CEACAM21: variants seen among roughly 807,000 people sequenced by gnomAD.
CEACAM21 encodes CEA cell adhesion molecule 21.
CEACAM21 carries 38 observed loss-of-function variants against 33.2 expected under a neutral mutation model. The observed-to-expected ratio is 1.14, with a 90% CI of 0.88 to 1.50. The LOEUF (loss-of-function observed/expected upper bound fraction) is 1.50. Ranked by LOEUF, CEACAM21 falls within the 40% of genes most tolerant of loss-of-function variation. The probability of loss-of-function intolerance (pLI) is 0.00; values close to 1 mark genes in which losing one functional copy is unlikely to be tolerated. For missense variants in CEACAM21, 385 were observed against 364.6 expected (o/e 1.06, Z -0.46); for synonymous variants, 156 against 143.0 (o/e 1.09, Z -0.65).
In CEACAM21 at chr19:41,576,201, A is replaced by T; in HGVS notation, c.-74A>T. The T allele has an allele frequency of 6.4e-7, 1 of 1,555,248 alleles. No individual in the cohort carries two copies. The highest frequency in any genetic ancestry group is 8.9e-7 in the Non-Finnish European group (1 of 1,128,492). On this transcript the variant is annotated 5_prime_UTR_variant, in exon 1 of 7. Transcript: ENST00000401445. Reference sequence around the variant, plus strand: ...GAAGGACAGCAGAGACAACAGTCACAGTAACCCTGTCTAGAGCGTTCCTGG... The same window carrying T: ...GAAGGACAGCAGAGACAACAGTCACTGTAACCCTGTCTAGAGCGTTCCTGG...
At chr19:41,565,858 C>T (rs1045908318) in intron 2 of CEACAM21, among the ~76,000 whole-genome samples, 1 of 150,144 alleles carries the variant, frequency 6.7e-6, no homozygotes, top group East Asian at 1.9e-4. Context: ...CAAGTGTAGG[C>T]AAGTTGTAGG....
In CEACAM21 at chr19:41,584,505, G is replaced by A. The variant is rs1394598092; in HGVS notation, c.797+62G>A. The stretch of plus-strand genomic sequence containing the variant: ...ACGCTGACCCCAGGCGAGAAGGAAG[G>A]AGACCCTGTCTTGTATTCAGTGCCA... On this transcript the variant is annotated intron_variant, in intron 4 of 6. Transcript: ENST00000401445. 9.0e-6 allele frequency: 13 copies of A among 1,443,530 alleles called. No homozygotes were observed. In the African/African-American group the frequency reaches 1.7e-4, roughly 19 times the overall value. 89.4% of individuals were successfully genotyped at this position (1,443,530 alleles called of 1,614,324 possible).
In CEACAM21 at chr19:41,577,413, C is replaced by T. The variant is rs1004080400; in HGVS notation, c.278C>T (p.Pro93Leu). ...VIDTHVRTPGPAYSGRETISP... is the reference protein window; with the variant it reads ...VIDTHVRTPGLAYSGRETISP... ...GACACTCACGTTAGGACTCCAGGGCCTGCATACAGCGGTCGAGAGACAATA... is the reference window on the plus strand; with the variant it reads ...GACACTCACGTTAGGACTCCAGGGCTTGCATACAGCGGTCGAGAGACAATA... The change falls in exon 2 of 7, where the codon CCT (proline) becomes CTT (leucine). Residue 93 changes from proline (P) to leucine (L), a missense_variant. By Grantham distance (98) the Pro-to-Leu change is moderately conservative. Transcript: ENST00000401445. 11 of 1,614,020 alleles carry T rather than the reference C, an allele frequency of 6.8e-6. No homozygotes were observed. Among genetic ancestry groups the T allele is most frequent in the Non-Finnish European group, 9.3e-6 (11 of 1,180,032 alleles).
At position 41,582,786 on chromosome 19, in the gene CEACAM21, A is replaced by AT. The variant is rs1177362871; in HGVS notation, c.701-1555dup. Reference sequence around the variant, plus strand: ...GAGCCCTGGGCCTGGCCCAGGAAACATTTTTTCCTCCTAGGCCTCCAGTCC... The same window carrying AT: ...GAGCCCTGGGCCTGGCCCAGGAAACATTTTTTTCCTCCTAGGCCTCCAGTCC... On this transcript the variant is annotated intron_variant, in intron 3 of 6. Coordinates refer to ENST00000401445, the MANE Select transcript of CEACAM21 (RefSeq NM_001098506.4). Among the ~76,000 whole-genome samples, 4 of 152,032 alleles carry AT rather than the reference A, an allele frequency of 2.6e-5. No homozygotes were observed. In the East Asian group the frequency reaches 7.8e-4, roughly 30 times the overall value.
intron 2 of CEACAM21, among the ~76,000 whole-genome samples, chr19:41,566,531 A>G (rs1019723659): frequency 6.6e-6 from 1 of 152,150 alleles, no homozygotes; most frequent in Non-Finnish European, 1.5e-5. Context: ...GTATGATAAC[A>G]TATTTTGCTT....
At chr19:41,579,928 A>C (rs1182230323) in intron 3 of CEACAM21, among the ~76,000 whole-genome samples, 2 of 152,196 alleles carry the variant, frequency 1.3e-5, no homozygotes, top group Non-Finnish European at 2.9e-5. Context: ...GATTAATGCG[A>C]TTAAAGCCCT....
At chr19:41,577,151 A>G in intron 1 of CEACAM21, 49 bp from the exon 2 acceptor site, 1 of 1,611,134 alleles carries the variant, frequency 6.2e-7, no homozygotes, top group Non-Finnish European at 8.5e-7. Flanking sequence ...CCGTCTTTCC[A>G]TGCCAATGCA....
At chr19:41,577,699 C>G (rs1003473322) in intron 2 of CEACAM21, 140 bp downstream of exon 2, 2 of 1,211,292 alleles carry the variant, frequency 1.7e-6, no homozygotes, top group Non-Finnish European at 2.3e-6. Flanking sequence ...GCAGGACACA[C>G]CCAGGGGAGA....
intron 5 of CEACAM21, 142 bp from the exon 6 acceptor site, chr19:41,585,698 C>T: frequency 9.7e-7 from 1 of 1,036,134 alleles, no homozygotes; most frequent in Non-Finnish European, 1.5e-6. Context: ...TCCTCAACCT[C>T]ACTTGCTTAC....
chr19:41,584,318 A>G, intron 3 of CEACAM21, 29 bp from the exon 4 acceptor site: 298 of 1,436,858 alleles, frequency 2.1e-4, no homozygotes, highest in Non-Finnish European at 2.8e-4. Context: ...ACAGATTTGG[A>G]CCTCATCCCC....
At chr19:41,558,851 A>G (rs541629418) in intron 1 of CEACAM21, among the ~76,000 whole-genome samples, 1 of 152,332 alleles carries the variant, frequency 6.6e-6, no homozygotes, top group East Asian at 1.9e-4. Context: ...TCTCTGTTTA[A>G]AAAGTAAAAG....
At chr19:41,564,922 G>C (rs2042151256) in exon 2 of CEACAM21, 1 of 152,302 alleles carries the variant, frequency 6.6e-6, no homozygotes, top group African/African-American at 2.4e-5. Context: ...GCGCTCCGTC[G>C]GAATGACACA....
intron 1 of CEACAM21, among the ~76,000 whole-genome samples, chr19:41,559,886 A>T (rs1555786399): frequency 6.6e-6 from 1 of 152,180 alleles, no homozygotes; most frequent in African/African-American, 2.4e-5. Context: ...AGGCGGGAGG[A>T]TCTATTGAGA....
intron 1 of CEACAM21, chr19:41,553,797 A>T (rs2122157502): frequency 6.6e-6 from 1 of 152,234 alleles, no homozygotes; most frequent in East Asian, 1.9e-4. Flanking sequence ...TTGATTCCTT[A>T]AAGGAAAGCA....
At chr19:41,582,430 C>G (rs1555793792) in intron 3 of CEACAM21, among the ~76,000 whole-genome samples, 2 of 152,344 alleles carry the variant, frequency 1.3e-5, no homozygotes, top group East Asian at 3.9e-4. Context: ...TTAGGCAGTG[C>G]CCCAGTAGGG....
intron 2 of CEACAM21, among the ~76,000 whole-genome samples, chr19:41,570,087 G>A (rs1401304249): frequency 6.6e-6 from 1 of 152,186 alleles, no homozygotes; most frequent in Non-Finnish European, 1.5e-5. Flanking sequence ...TGGTGCCACA[G>A]CGACAGCGCT....
intron 2 of CEACAM21, among the ~76,000 whole-genome samples, chr19:41,569,542 G>A (rs2042470025): frequency 6.6e-6 from 1 of 152,126 alleles, no homozygotes; most frequent in African/African-American, 2.4e-5. Context: ...GGTTCAGAGA[G>A]GGCAGGGCCT....
intron 2 of CEACAM21, among the ~76,000 whole-genome samples, chr19:41,570,374 A>G (rs1555789215): frequency 6.6e-6 from 1 of 152,094 alleles, no homozygotes; most frequent in Non-Finnish European, 1.5e-5. Context: ...CCACCTGCCC[A>G]TCCTCTCACT....
chr19:41,567,042 T>A (rs2042311361), intron 2 of CEACAM21, among the ~76,000 whole-genome samples: 1 of 151,482 alleles, frequency 6.6e-6, no homozygotes, highest in South Asian at 2.1e-4. Flanking sequence ...ATTTTCATAT[T>A]GTTTTCTCTC....
Sources: gnomAD v4.1 joint callset for allele counts (sites outside exome capture counted in the v4.1 genomes callset) on GRCh38, gnomAD v4.1.1 for gene constraint, MANE v1.5 for transcripts, NCBI Gene and HGNC (gene_info 2026-07-23, HGNC 2026-07-21) for gene names.